Variants in RIT2 observed in about 807,000 individuals in gnomAD.
The protein encoded by RIT2 is GTP-binding protein Rit2.
RIT2 carries 24 observed loss-of-function variants against 23.7 expected under a neutral mutation model. The ratio of observed to expected loss-of-function variants is 1.01; its 90% CI spans 0.73 to 1.43. The LOEUF is 1.43. RIT2 is among the 40% of genes most tolerant of loss of function. RIT2 has a pLI of 0.00. For synonymous variants in RIT2, 107 were observed against 91.1 expected, an observed-to-expected ratio of 1.17 and a Z score of -0.99; for missense variants, 236 against 266.9, an observed-to-expected ratio of 0.88 and a Z score of 0.81.
At chr18:42,994,753 C>G (rs999177778) in intron 2 of RIT2, among the ~76,000 whole-genome samples, 1 of 152,116 alleles carries the variant, frequency 6.6e-6, no homozygotes, top group Non-Finnish European at 1.5e-5. Flanking sequence ...CTGCTGCTGC[C>G]CTAATACTTT....
chr18:42,965,711 CTTTTTTT>C (rs58344278), intron 3 of RIT2, among the ~76,000 whole-genome samples: 29 of 37,748 alleles, frequency 7.7e-4, no homozygotes, highest in African/African-American at 2.6e-3. Context: ...GTACTGATGG[CTTTTTTT>C]TTTTTTTTTT....
chr18:42,769,796 T>C (rs1256719849), intron 4 of RIT2, among the ~76,000 whole-genome samples: 1 of 150,362 alleles, frequency 6.7e-6, no homozygotes, highest in Non-Finnish European at 1.5e-5. Flanking sequence ...CCACCATACA[T>C]ATGTAAGTAA....
At chr18:42,947,115 C>T (rs1424804885) in intron 3 of RIT2, among the ~76,000 whole-genome samples, 1 of 152,028 alleles carries the variant, frequency 6.6e-6, no homozygotes, top group Non-Finnish European at 1.5e-5. Context: ...CATTGAAGAG[C>T]TAGATTTATG....
chr18:42,842,704 G>A (rs538372800), intron 4 of RIT2, among the ~76,000 whole-genome samples: 1 of 152,166 alleles, frequency 6.6e-6, no homozygotes, highest in African/African-American at 2.4e-5. Context: ...ACATTTTGAT[G>A]TACCAACACG....
At chr18:42,932,852 T>TC (rs1317086318) in intron 3 of RIT2, among the ~76,000 whole-genome samples, 1 of 61,152 alleles carries the variant, frequency 1.6e-5, no homozygotes, top group Non-Finnish European at 8.5e-5. Flanking sequence ...ATTCTTCCTG[T>TC]TTTTTTTTAT....
At chr18:42,994,786 C>G (rs1429528635) in intron 2 of RIT2, among the ~76,000 whole-genome samples, 1 of 152,172 alleles carries the variant, frequency 6.6e-6, no homozygotes, top group African/African-American at 2.4e-5. Flanking sequence ...AAATCACAAA[C>G]TATGCTCAAC....
chr18:42,754,020 A>C (rs923944076), intron 4 of RIT2, among the ~76,000 whole-genome samples: 1 of 152,188 alleles, frequency 6.6e-6, no homozygotes, highest in East Asian at 1.9e-4. Context: ...GACAGATCAG[A>C]GTGTGCTTAT....
intron 4 of RIT2, among the ~76,000 whole-genome samples, chr18:42,856,375 C>A (rs1211009171): frequency 6.6e-6 from 1 of 152,204 alleles, no homozygotes; most frequent in African/African-American, 2.4e-5. Flanking sequence ...TTAGATCACA[C>A]CCTTTTTGCC....
chr18:42,895,310 T>C (rs1447336656), intron 4 of RIT2, among the ~76,000 whole-genome samples: 1 of 152,178 alleles, frequency 6.6e-6, no homozygotes, highest in African/African-American at 2.4e-5. Flanking sequence ...TCAGATCAAA[T>C]AGAAAATGTT....
chr18:42,774,522 T>A (rs1184309397), intron 4 of RIT2, among the ~76,000 whole-genome samples: 2 of 151,852 alleles, frequency 1.3e-5, no homozygotes. Flanking sequence ...ATTCTCACTA[T>A]CATTTCCCCA....
chr18:43,045,607 C>T (rs937161773), intron 1 of RIT2, among the ~76,000 whole-genome samples: 1 of 152,078 alleles, frequency 6.6e-6, no homozygotes, highest in Non-Finnish European at 1.5e-5. Flanking sequence ...AATCTCTATC[C>T]TACTTGTAAC....
At chr18:43,060,019 C>T (rs1251186190) in intron 1 of RIT2, among the ~76,000 whole-genome samples, 7 of 152,102 alleles carry the variant, frequency 4.6e-5, no homozygotes, top group Admixed American at 2.0e-4. Context: ...AGGCTTAAAG[C>T]ACAGTCTTTA....
At chr18:42,885,841 T>G (rs2144086153) in intron 4 of RIT2, among the ~76,000 whole-genome samples, 1 of 152,300 alleles carries the variant, frequency 6.6e-6, no homozygotes, top group South Asian at 2.1e-4. Flanking sequence ...ATTAATCCAA[T>G]AAATTTATGA....
intron 2 of RIT2, among the ~76,000 whole-genome samples, chr18:42,988,216 T>A (rs1202200710): frequency 6.6e-6 from 1 of 151,392 alleles, no homozygotes; most frequent in African/African-American, 2.4e-5. Context: ...TACTTTACTT[T>A]AAAAAAAAAG....
At chr18:43,074,943 A>G (rs557976424) in intron 1 of RIT2, among the ~76,000 whole-genome samples, 6 of 152,304 alleles carry the variant, frequency 3.9e-5, no homozygotes, top group African/African-American at 1.4e-4. Context: ...GCTAATGCAT[A>G]TTGGGCTTAA....
At chr18:42,989,756 T>A (rs1910795920) in intron 2 of RIT2, among the ~76,000 whole-genome samples, 1 of 152,172 alleles carries the variant, frequency 6.6e-6, no homozygotes, top group Admixed American at 6.6e-5. Flanking sequence ...AGCCATAGAA[T>A]ATTCTTTCAC....
intron 3 of RIT2, among the ~76,000 whole-genome samples, chr18:42,929,003 A>G (rs1458605836): frequency 6.9e-6 from 1 of 144,070 alleles, no homozygotes; most frequent in Non-Finnish European, 1.5e-5. Flanking sequence ...GATTGCTAAA[A>G]TGAATACATA....
At chr18:43,017,145 AAGT>A (rs1431492637) in intron 2 of RIT2, among the ~76,000 whole-genome samples, 1 of 151,964 alleles carries the variant, frequency 6.6e-6, no homozygotes, top group Non-Finnish European at 1.5e-5. Flanking sequence ...ATGTATCCCT[AAGT>A]AGAATATTTC....
chr18:42,900,709 A>T (rs879367957), intron 4 of RIT2, among the ~76,000 whole-genome samples: 2 of 152,062 alleles, frequency 1.3e-5, no homozygotes, highest in Admixed American at 1.3e-4. Flanking sequence ...GTAACAAGAT[A>T]TGTGAGGGAT....
Sources: gnomAD v4.1 joint callset for allele counts (sites outside exome capture counted in the v4.1 genomes callset) on GRCh38, gnomAD v4.1.1 for gene constraint, MANE v1.5 for transcripts, NCBI Gene and HGNC (gene_info 2026-07-23, HGNC 2026-07-21) for gene names.